LYPD6: variants seen among roughly 807,000 people sequenced by gnomAD.
LYPD6 encodes the protein LY6/PLAUR domain containing 6.
A neutral mutation model predicts 22.7 loss-of-function variants in LYPD6; 15 were observed. The observed-to-expected ratio is 0.66, with a 90% CI of 0.44 to 1.02. The LOEUF is 1.02. Ranked by LOEUF, LYPD6 falls within the 50% of genes least tolerant of loss-of-function variation. The pLI, the probability that LYPD6 is intolerant of heterozygous loss-of-function variation, is 0.00. For missense variants in LYPD6, 189 were observed against 208.4 expected, an observed-to-expected ratio of 0.91 and a Z score of 0.57; for synonymous variants, 72 against 77.5, an observed-to-expected ratio of 0.93 and a Z score of 0.37.
At chr2:149,480,570 G>T in the LYPD6 span, among the ~76,000 whole-genome samples, 1 of 152,140 alleles carries the variant, frequency 6.6e-6, no homozygotes, top group Admixed American at 6.5e-5. Context: ...CTTCCTGTGT[G>T]TGGGGGGGTG....
intron 1 of LYPD6, among the ~76,000 whole-genome samples, chr2:149,402,166 A>C (rs1682571963): frequency 6.6e-6 from 1 of 151,588 alleles, no homozygotes; most frequent in Non-Finnish European, 1.5e-5. Context: ...AATTCCATCC[A>C]GGTTGCTGCA....
At chr2:149,382,683 G>T (rs1196682) in intron 1 of LYPD6, among the ~76,000 whole-genome samples, 67,105 of 151,798 alleles carry the variant, frequency 0.44, 15,857 homozygotes, top group East Asian at 0.9. Context: ...GTTAGTGTCA[G>T]AACAATTCAA....
intron 1 of LYPD6, among the ~76,000 whole-genome samples, chr2:149,411,364 C>T (rs571133598): frequency 5.1e-4 from 77 of 151,978 alleles, no homozygotes; most frequent in Non-Finnish European, 9.7e-4. Context: ...TGACATCACT[C>T]GTCATGTTTC....
chr2:149,358,198 A>AAAAATGAAATTAT (rs1476343652), intron 1 of LYPD6, among the ~76,000 whole-genome samples: 5 of 152,236 alleles, frequency 3.3e-5, no homozygotes, highest in Non-Finnish European at 7.3e-5. Context: ...TTTTGAAGAT[A>AAAAATGAAATTAT]TCCTTGCCTT....
intron 1 of LYPD6, among the ~76,000 whole-genome samples, chr2:149,335,136 A>ATT (rs796997151): frequency 6.7e-6 from 1 of 148,294 alleles, no homozygotes; most frequent in African/African-American, 2.5e-5. Context: ...ACTCCTACTT[A>ATT]TTTTTTTTTT....
chr2:149,353,255 AC>A (rs1377759850), intron 1 of LYPD6, among the ~76,000 whole-genome samples: 10 of 152,302 alleles, frequency 6.6e-5, no homozygotes, highest in African/African-American at 1.7e-4. Context: ...TAATTGTCTC[AC>A]CTAGAGACAA....
chr2:149,410,458 C>G (rs1174682958), intron 1 of LYPD6, among the ~76,000 whole-genome samples: 1 of 152,088 alleles, frequency 6.6e-6, no homozygotes, highest in Non-Finnish European at 1.5e-5. Flanking sequence ...TGGTCTCAGA[C>G]ATAGGATTCT....
intron 1 of LYPD6, among the ~76,000 whole-genome samples, chr2:149,410,918 C>T (rs1464582261): frequency 6.6e-6 from 1 of 152,162 alleles, no homozygotes; most frequent in Admixed American, 6.5e-5. Context: ...TATGTGGCCT[C>T]ATTAGGTTTG....
chr2:149,426,348 AG>A (rs1417855036), intron 1 of LYPD6, among the ~76,000 whole-genome samples: 1 of 152,204 alleles, frequency 6.6e-6, no homozygotes, highest in Non-Finnish European at 1.5e-5. Context: ...ACTCCATGCC[AG>A]GTAGGACACA....
At chr2:149,466,660 A>T (rs1303929239) in intron 3 of LYPD6, among the ~76,000 whole-genome samples, 1 of 152,222 alleles carries the variant, frequency 6.6e-6, no homozygotes, top group Non-Finnish European at 1.5e-5. Flanking sequence ...AGAAGTAGTC[A>T]TATCAAGTTC....
At chr2:149,379,923 T>C (rs1045230862) in intron 1 of LYPD6, among the ~76,000 whole-genome samples, 1 of 152,010 alleles carries the variant, frequency 6.6e-6, no homozygotes, top group Non-Finnish European at 1.5e-5. Context: ...ACAGTAGATA[T>C]CAGAAGGTGA....
chr2:149,437,876 A>G (rs2105150398), intron 2 of LYPD6, 50 bp downstream of exon 2: 1 of 1,603,288 alleles, frequency 6.2e-7, no homozygotes, highest in South Asian at 1.1e-5. Context: ...TCAAATAAGA[A>G]GTGGTTCAAA....
chr2:149,470,877 G>T lies in LYPD6; in HGVS notation c.*27G>T, dbSNP rs1434979937. The T allele has an allele frequency of 6.3e-7, 1 of 1,593,196 alleles. No homozygotes were observed. The highest frequency in any genetic ancestry group is 1.1e-5 in the South Asian group (1 of 89,684). The stretch of plus-strand genomic sequence containing the variant: ...GGCTCAGTGGCTCCATGTGTTAATA[G>T]CGATCCATGGGGATCTCGATGGTCC... On this transcript the variant is annotated 3_prime_UTR_variant, in exon 5 of 5. Coordinates refer to ENST00000334166, the MANE Select transcript of LYPD6 (RefSeq NM_194317.5).
At chr2:149,469,596 A>C (rs1681284700) in intron 4 of LYPD6, among the ~76,000 whole-genome samples, 1 of 152,064 alleles carries the variant, frequency 6.6e-6, no homozygotes, top group Admixed American at 6.6e-5. Flanking sequence ...TTTTCAAGCA[A>C]CCTCTTGAAT....
intron 1 of LYPD6, among the ~76,000 whole-genome samples, chr2:149,346,283 T>G (rs1681254638): frequency 6.6e-6 from 1 of 152,168 alleles, no homozygotes; most frequent in Non-Finnish European, 1.5e-5. Context: ...AAGTTAAAAT[T>G]ATTGTACATA....
intron 1 of LYPD6, among the ~76,000 whole-genome samples, chr2:149,377,956 A>G (rs1331044658): frequency 6.6e-6 from 1 of 152,064 alleles, no homozygotes; most frequent in Non-Finnish European, 1.5e-5. Context: ...GCATGAGGTC[A>G]GGCCCTGGGG....
At chr2:149,366,902 A>G (rs1049755880) in intron 1 of LYPD6, among the ~76,000 whole-genome samples, 10 of 152,166 alleles carry the variant, frequency 6.6e-5, no homozygotes, top group African/African-American at 2.2e-4. Context: ...ACACACTGTC[A>G]TGTGTGATTC....
At chr2:149,394,766 C>A (rs1316031910) in intron 1 of LYPD6, among the ~76,000 whole-genome samples, 1 of 152,090 alleles carries the variant, frequency 6.6e-6, no homozygotes, top group African/African-American at 2.4e-5. Flanking sequence ...TCCTTTCCTT[C>A]CGTTGATACT....
intron 3 of LYPD6, among the ~76,000 whole-genome samples, chr2:149,460,630 A>G (rs898207835): frequency 1.3e-5 from 2 of 152,158 alleles, no homozygotes; most frequent in Admixed American, 1.3e-4. Flanking sequence ...CCATTAACCA[A>G]CAGAATCTAA....
Sources: allele counts gnomAD v4.1 joint callset (sites outside exome capture counted in the v4.1 genomes callset), GRCh38; gene constraint gnomAD v4.1.1; transcripts MANE v1.5; gene names NCBI Gene and HGNC (gene_info 2026-07-23, HGNC 2026-07-21).